CCDC88C: variants seen among roughly 807,000 people sequenced by gnomAD.
The protein encoded by CCDC88C is protein Daple.
In CCDC88C, 131 loss-of-function variants were observed where a neutral mutation model predicts 198.8. The ratio of observed to expected loss-of-function variants is 0.66; its 90% CI spans 0.57 to 0.76. CCDC88C has a LOEUF of 0.76. Among genes scored for constraint, CCDC88C ranks in the 30% least tolerant of loss-of-function variants. The probability of loss-of-function intolerance (pLI) is 0.00; values close to 1 mark genes in which losing one functional copy is unlikely to be tolerated. For synonymous variants in CCDC88C, 1,166 were observed against 1,114.7 expected (o/e 1.05, Z -0.92); for missense variants, 2,553 against 2,631.6 (o/e 0.97, Z 0.65).
intron 27 of CCDC88C, 107 bp downstream of exon 27, chr14:91,281,350 C>G: frequency 1.3e-6 from 2 of 1,574,560 alleles, no homozygotes; most frequent in East Asian, 4.6e-5. Flanking sequence ...TTTCCACCTT[C>G]ATTTGGTGTT....
chr14:91,331,745 A>G (rs559327330), intron 10 of CCDC88C, among the ~76,000 whole-genome samples: 23 of 152,292 alleles, frequency 1.5e-4, no homozygotes, highest in African/African-American at 5.5e-4. Context: ...GAATAAGCCC[A>G]TTGCAAACAT....
chr14:91,391,017 G>A (rs954727185), intron 3 of CCDC88C, among the ~76,000 whole-genome samples: 27 of 152,162 alleles, frequency 1.8e-4, no homozygotes, highest in African/African-American at 6.5e-4. Flanking sequence ...GGTGAAGACT[G>A]AAATGGGAAG....
At chr14:91,363,432 C>G (rs1596114730) in intron 3 of CCDC88C, among the ~76,000 whole-genome samples, 1 of 151,618 alleles carries the variant, frequency 6.6e-6, no homozygotes, top group South Asian at 2.1e-4. Context: ...TTTCCATACA[C>G]TTTGAAATCA....
intron 19 of CCDC88C, 136 bp downstream of exon 19, chr14:91,305,627 CTA>C (rs1436569686): frequency 1.3e-6 from 1 of 753,572 alleles, no homozygotes; most frequent in African/African-American, 1.8e-5. Context: ...CAGCGGGTCT[CTA>C]TTAACAAAAT....
chr14:91,340,046 C>A, intron 6 of CCDC88C, 22 bp from the exon 7 acceptor site: 1 of 1,607,982 alleles, frequency 6.2e-7, no homozygotes, highest in Non-Finnish European at 8.5e-7. Context: ...CATGGCAGGG[C>A]ACTGCAGGGG....
intron 3 of CCDC88C, among the ~76,000 whole-genome samples, chr14:91,405,260 AG>A (rs1363001696): frequency 6.6e-6 from 1 of 152,196 alleles, no homozygotes; most frequent in Non-Finnish European, 1.5e-5. Flanking sequence ...GCCGCAGAGA[AG>A]AAGGGGACAG....
intron 10 of CCDC88C, among the ~76,000 whole-genome samples, chr14:91,331,686 T>G (rs1390121220): frequency 6.6e-6 from 1 of 152,198 alleles, no homozygotes; most frequent in Non-Finnish European, 1.5e-5. Context: ...CCCCACCTCC[T>G]TGGGGCAGCT....
Position 91,324,942 on chromosome 14 carries a change from G to C in CCDC88C, c.1198-19C>G. The C allele has an allele frequency of 1.9e-6, 3 of 1,612,994 alleles. No individual in the cohort carries two copies. Among genetic ancestry groups the C allele is most frequent in the Non-Finnish European group, 2.5e-6 (3 of 1,179,880 alleles). ...CCCGGTCCTGGGGCAAGCAAGAAGAGGCAAGAAGTGAGGCTGCACAGCTGG... is the reference window on the plus strand; with the variant it reads ...CCCGGTCCTGGGGCAAGCAAGAAGACGCAAGAAGTGAGGCTGCACAGCTGG... On this transcript the variant is annotated intron_variant, in intron 11 of 29. Coordinates refer to ENST00000389857, the MANE Select transcript of CCDC88C (RefSeq NM_001080414.4).
rs367905673 is a variant in CCDC88C, at chr14:91,272,669, C to A, written c.6043G>T (p.Gly2015Cys). Residue 2015 changes from glycine to cysteine, a missense_variant, in exon 30 of 30, where the codon GGC becomes TGC. Around this residue, in one of 2 missense-constraint regions of CCDC88C, gnomAD observed 1,293 missense variants for 1,219.6 expected, o/e 1.06. Coordinates refer to ENST00000389857, the MANE Select transcript of CCDC88C (RefSeq NM_001080414.4). ...TACCACACGGTCTGCGGATCCCCGC[C>A]GGGCTCCGGGGAGGCCGGACTGCTC... ...SKSSPASPEP[G>C]GDPQTVWYEY... 2 of 1,611,622 alleles carry A rather than the reference C, an allele frequency of 1.2e-6. No individual in the cohort carries two copies. Among genetic ancestry groups the A allele is most frequent in the East Asian group, 2.2e-5 (1 of 44,858 alleles).
rs777402906 is a variant in CCDC88C, at chr14:91,338,054, C to T, written c.1001G>A (p.Arg334His). Residue 334 changes from arginine (R) to histidine (H), a missense_variant, in exon 10 of 30, where the codon CGC (arginine) becomes CAC (histidine). Coordinates refer to ENST00000389857, the MANE Select transcript of CCDC88C (RefSeq NM_001080414.4). This position sits in a 1 kb window ranked among gnomAD's most constrained non-coding sequence, Gnocchi z 4.8. ...CACGTCGTGCAGCTTCTCCTTGCAG[C>T]GGGTCAGCTCCAGCTCCAGCCTCTC... is the stretch of plus-strand genomic sequence containing the variant. ...RVERLELELT[R>H]CKEKLHDVDF... 2.7e-5 allele frequency: 44 copies of T among 1,613,426 alleles called. No individual in the cohort carries two copies. Among genetic ancestry groups the T allele is most frequent in the Non-Finnish European group, 2.9e-5 (34 of 1,179,884 alleles).
In CCDC88C at chr14:91,297,448, G is replaced by C; in HGVS notation, c.3823C>G (p.Leu1275Val). 6.3e-7 allele frequency: 1 copy of C among 1,583,690 alleles called. No individual in the cohort carries two copies. The highest frequency in any genetic ancestry group is 8.6e-7 in the Non-Finnish European group (1 of 1,164,744). The change falls in exon 22 of 30, where the codon CTG becomes GTG. Residue 1275 changes from leucine (L) to valine (V), a missense_variant. Leu to Val is a conservative substitution (Grantham distance 32). Transcript: ENST00000389857. Reference sequence around the variant, plus strand: ...TTCAGCTCCTTGGTGTGGGCGTGCAGCTCCTCGTACTCCCCCTTCAGCTGG... The same window carrying C: ...TTCAGCTCCTTGGTGTGGGCGTGCACCTCCTCGTACTCCCCCTTCAGCTGG... ...HHQLKGEYEE[L>V]HAHTKELKTS...
At chr14:91,316,576 C>A (rs1375716229) in intron 13 of CCDC88C, among the ~76,000 whole-genome samples, 1 of 152,162 alleles carries the variant, frequency 6.6e-6, no homozygotes, top group Non-Finnish European at 1.5e-5. Flanking sequence ...AAGCCTGCCA[C>A]CACGCCCATC....
At chr14:91,366,153 TACACACACACACACACACACACACAC>T (rs57281083) in intron 3 of CCDC88C, among the ~76,000 whole-genome samples, 1 of 136,374 alleles carries the variant, frequency 7.3e-6, no homozygotes, top group Non-Finnish European at 1.6e-5. Flanking sequence ...ACTTAAAAAA[TACACACACACACACACACACACACAC>T]ACACACACAC....
intron 4 of CCDC88C, among the ~76,000 whole-genome samples, chr14:91,356,070 C>T (rs72701427): frequency 0.024 from 3,629 of 152,172 alleles, 61 homozygotes; most frequent in Non-Finnish European, 0.039. Context: ...CCCCGGGCAA[C>T]CATACAAATT....
At chr14:91,369,925 TACC>T in intron 3 of CCDC88C, among the ~76,000 whole-genome samples, 1 of 152,348 alleles carries the variant, frequency 6.6e-6, no homozygotes, top group East Asian at 1.9e-4. Context: ...CGGCCGAGGC[TACC>T]ACGTCATCAG....
chr14:91,285,291 T>C (rs999863199), intron 25 of CCDC88C: 4 of 331,886 alleles, frequency 1.2e-5, no homozygotes, highest in South Asian at 6.9e-5. Flanking sequence ...AGGCTGTACA[T>C]TTTAGGAAGT....
At chr14:91,326,539 G>A (rs1892592728) in intron 10 of CCDC88C, among the ~76,000 whole-genome samples, 1 of 152,132 alleles carries the variant, frequency 6.6e-6, no homozygotes, top group Admixed American at 6.6e-5. Flanking sequence ...AATCGGGCAA[G>A]GACAATGGAC....
chr14:91,373,690 A>T (rs1894937895), intron 3 of CCDC88C, among the ~76,000 whole-genome samples: 1 of 152,198 alleles, frequency 6.6e-6, no homozygotes, highest in African/African-American at 2.4e-5. Context: ...ACACAGTTGA[A>T]AAGCCGGGGA....
intron 6 of CCDC88C, among the ~76,000 whole-genome samples, chr14:91,340,510 C>T (rs1893272512): frequency 6.6e-6 from 1 of 152,188 alleles, no homozygotes. Context: ...GGGAAGGGTG[C>T]ATCTCATTCC....
Sources: allele counts gnomAD v4.1 joint callset (sites outside exome capture counted in the v4.1 genomes callset), GRCh38; gene constraint gnomAD v4.1.1; regional missense constraint gnomAD v4.1.1; non-coding constraint Gnocchi (gnomAD v3.1); transcripts MANE v1.5; gene names NCBI Gene and HGNC (gene_info 2026-07-23, HGNC 2026-07-21).